Variants in KPNA6 observed in about 807,000 individuals in gnomAD.
KPNA6 encodes the protein karyopherin subunit alpha 6, also known as importin subunit alpha-7.
A neutral mutation model predicts 72.0 loss-of-function variants in KPNA6; 9 were observed. The ratio of observed to expected loss-of-function variants is 0.13; its 90% CI spans 0.08 to 0.22. KPNA6 has a LOEUF of 0.22. Among genes scored for constraint, KPNA6 ranks in the 10% least tolerant of loss-of-function variants. The pLI is 1.00. For synonymous variants in KPNA6, 219 were observed against 242.1 expected (o/e 0.90, Z 0.89); for missense variants, 374 against 655.7 (o/e 0.57, Z 4.69).
intron 10 of KPNA6, among the ~76,000 whole-genome samples, chr1:32,164,035 C>T (rs953644416): frequency 3.3e-5 from 5 of 152,188 alleles, no homozygotes; most frequent in African/African-American, 1.2e-4. Flanking sequence ...AAACTGAAAC[C>T]GTACACATTA....
At chr1:32,167,353 C>A in intron 12 of KPNA6, 57 bp downstream of exon 12, 1 of 1,606,356 alleles carries the variant, frequency 6.2e-7, no homozygotes, top group South Asian at 1.1e-5. Flanking sequence ...CCTGTTTGCT[C>A]ATGGTTTACA....
rs148782916 is a variant in KPNA6, at chr1:32,110,852, A to G, written c.4+2718A>G. On this transcript the variant is annotated intron_variant, in intron 1 of 13. Coordinates refer to ENST00000373625, the MANE Select transcript of KPNA6 (RefSeq NM_012316.5). ...GCGGAGGTTGCAGTGAGCCGAGATC[A>G]TGCCAGCCTGGGCAACAAGCTAGAC... 9.7e-3 allele frequency among the ~76,000 whole-genome samples: 1,479 copies of G among 152,312 alleles called. 21 individuals are homozygous for G. Among genetic ancestry groups the G allele is most frequent in the African/African-American group, 0.033 (1,358 of 41,568 alleles).
intron 13 of KPNA6, 96 bp from the exon 14 acceptor site, chr1:32,170,611 C>T: frequency 1.1e-6 from 1 of 940,706 alleles, no homozygotes; most frequent in Non-Finnish European, 1.7e-6. Context: ...TGTTTGTAAG[C>T]ACTAACATAC....
At chr1:32,166,374 C>G in intron 11 of KPNA6, 144 bp downstream of exon 11, 1 of 967,078 alleles carries the variant, frequency 1.0e-6, no homozygotes, top group Non-Finnish European at 1.5e-6. Context: ...CGCCTGTAGT[C>G]CCAGCACTTT....
chr1:32,162,290 A>G (rs1241223723), intron 8 of KPNA6, 71 bp from the exon 9 acceptor site: 9 of 1,405,804 alleles, frequency 6.4e-6, no homozygotes, highest in Non-Finnish European at 7.8e-6. Context: ...GGTGGTTGCA[A>G]TGTTAGGGTT....
At chr1:32,167,338 CT>C in intron 12 of KPNA6, 42 bp downstream of exon 12, 1 of 1,611,714 alleles carries the variant, frequency 6.2e-7, no homozygotes. Flanking sequence ...ATAATGGATG[CT>C]CTCCCTGTTT....
chr1:32,169,429 C>T (rs1642395582), intron 12 of KPNA6, among the ~76,000 whole-genome samples: 1 of 149,804 alleles, frequency 6.7e-6, no homozygotes, highest in Non-Finnish European at 1.5e-5. Context: ...GGGTGTTGCA[C>T]AATTCTTTTT....
At chr1:32,122,587 C>A (rs1159485099) in intron 1 of KPNA6, among the ~76,000 whole-genome samples, 1 of 151,986 alleles carries the variant, frequency 6.6e-6, no homozygotes, top group Non-Finnish European at 1.5e-5. Context: ...CAGTTTGAGA[C>A]CAGCATGTGC....
chr1:32,117,948 A>G (rs943751474), intron 1 of KPNA6, among the ~76,000 whole-genome samples: 1 of 151,690 alleles, frequency 6.6e-6, no homozygotes, highest in African/African-American at 2.4e-5. Context: ...TTTGATATGG[A>G]GTTTCGCTCT....
intron 10 of KPNA6, among the ~76,000 whole-genome samples, chr1:32,165,878 A>G (rs1642324749): frequency 6.6e-6 from 1 of 151,690 alleles, no homozygotes; most frequent in Non-Finnish European, 1.5e-5. Context: ...GGCGTCTGTA[A>G]TCCAAGCGTC....
chr1:32,153,138 A>G lies in KPNA6; in HGVS notation c.5-1450A>G, dbSNP rs145343773. Among the ~76,000 whole-genome samples, 34 of 152,228 alleles carry G rather than the reference A, an allele frequency of 2.2e-4. No individual in the cohort carries two copies. In the East Asian group the frequency reaches 6.4e-3, roughly 28 times the overall value. ...ATAGTAGAGAAGACTCAATGAAGCTAAAACTTGGATCTTGCAAAAGACTAA... is the reference window on the plus strand; with the variant it reads ...ATAGTAGAGAAGACTCAATGAAGCTGAAACTTGGATCTTGCAAAAGACTAA... On this transcript the variant is annotated intron_variant, in intron 1 of 13. Transcript: ENST00000373625.
Position 32,170,697 on chromosome 1 carries a change from A to G in KPNA6, c.1424-10A>G, listed in dbSNP as rs1228807049. 3 of 1,610,176 alleles carry G rather than the reference A, an allele frequency of 1.9e-6. No individual in the cohort carries two copies. The highest frequency in any genetic ancestry group is 2.5e-6 in the Non-Finnish European group (3 of 1,176,766). On this transcript the variant is annotated splice_polypyrimidine_tract_variant and intron_variant, in intron 13 of 13. Coordinates refer to ENST00000373625, the MANE Select transcript of KPNA6 (RefSeq NM_012316.5). The stretch of plus-strand genomic sequence containing the variant: ...TCACACTTCCCTCTCCTTCCTTCTT[A>G]CTACTGTAGGCTTGGATAAAATTGA...
chr1:32,116,184 C>CTTTTCT (rs1641324800), intron 1 of KPNA6, among the ~76,000 whole-genome samples: 1 of 146,970 alleles, frequency 6.8e-6, no homozygotes, highest in Admixed American at 6.9e-5. Context: ...TTTTTCTTTT[C>CTTTTCT]TTTTCTTTTT....
At chr1:32,168,354 T>C (rs933120887) in intron 12 of KPNA6, among the ~76,000 whole-genome samples, 5 of 152,238 alleles carry the variant, frequency 3.3e-5, no homozygotes, top group Admixed American at 6.5e-5. Context: ...CACGCCCGGC[T>C]AATTTTTTGT....
intron 12 of KPNA6, among the ~76,000 whole-genome samples, chr1:32,168,939 GC>G (rs1203841933): frequency 8.5e-5 from 13 of 152,162 alleles, no homozygotes; most frequent in African/African-American, 3.1e-4. Context: ...TAATATTGCA[GC>G]CAAGGAGACA....
At chr1:32,138,010 CTG>C (rs1337824150) in intron 1 of KPNA6, among the ~76,000 whole-genome samples, 1 of 151,330 alleles carries the variant, frequency 6.6e-6, no homozygotes, top group African/African-American at 2.4e-5. Context: ...TGGTGGGCAA[CTG>C]TAATCCCAGC....
In KPNA6 at chr1:32,118,972, ATG is replaced by A. The variant is rs144915333; in HGVS notation, c.4+10858_4+10859del. On this transcript the variant is annotated intron_variant, in intron 1 of 13. Transcript: ENST00000373625. ...ACTTTCTATGTGTCAAGCCATATAT[ATG>A]TGTGTGTGTGTGTGTGTGTATACAT... 4.3e-3 allele frequency among the ~76,000 whole-genome samples: 517 copies of A among 120,954 alleles called. 5 individuals are homozygous for A. The highest frequency in any genetic ancestry group is 0.016 in the African/African-American group (443 of 28,510). The allele number at this position is 120,954 out of a possible 152,430, so 79.4% of individuals were successfully genotyped here.
At chr1:32,163,503 G>T (rs956267078) in intron 10 of KPNA6, among the ~76,000 whole-genome samples, 190 bp downstream of exon 10, 1 of 152,240 alleles carries the variant, frequency 6.6e-6, no homozygotes, top group Admixed American at 6.5e-5. Context: ...GGGAAACTTG[G>T]TTCCTTCTTT....
chr1:32,146,397 T>C (rs573699538), intron 1 of KPNA6, among the ~76,000 whole-genome samples: 3 of 152,240 alleles, frequency 2.0e-5, no homozygotes, highest in Non-Finnish European at 4.4e-5. Context: ...TTTTGTCAGA[T>C]ATTCATGTAG....
Sources: gnomAD v4.1 joint callset for allele counts (sites outside exome capture counted in the v4.1 genomes callset) on GRCh38, gnomAD v4.1.1 for gene constraint, MANE v1.5 for transcripts, NCBI Gene and HGNC (gene_info 2026-07-23, HGNC 2026-07-21) for gene names.